STIM2: variants seen among roughly 807,000 people sequenced by gnomAD.
The protein encoded by STIM2 is stromal interaction molecule 2.
A neutral mutation model predicts 85.8 loss-of-function variants in STIM2; 31 were observed. The ratio of observed to expected loss-of-function variants is 0.36; its 90% CI spans 0.27 to 0.49. The LOEUF (loss-of-function observed/expected upper bound fraction) is 0.49, where lower values mean the gene tolerates loss of function less well. STIM2 is among the 20% of genes least tolerant of loss of function. The pLI is 0.98. For synonymous variants in STIM2, 356 were observed against 331.1 expected, an observed-to-expected ratio of 1.08 and a Z score of -0.82; for missense variants, 841 against 927.6, an observed-to-expected ratio of 0.91 and a Z score of 1.21.
chr4:26,866,897 A>G lies in STIM2; in HGVS notation c.151+5528A>G, dbSNP rs532129505. On this transcript the variant is annotated intron_variant, in intron 1 of 11. Coordinates refer to ENST00000467087, the MANE Select transcript of STIM2 (RefSeq NM_020860.4). Reference sequence around the variant, plus strand: ...AAGGTAAAAGGCATTTTGAACTTTCAGAGTGTTTTGTTAATAAACTCTTGA... The same window carrying G: ...AAGGTAAAAGGCATTTTGAACTTTCGGAGTGTTTTGTTAATAAACTCTTGA... Among the ~76,000 whole-genome samples, 3 of 152,358 alleles carry G rather than the reference A, an allele frequency of 2.0e-5. No homozygotes were observed. The East Asian group carries it at 5.8e-4, about 29-fold the overall frequency.
intron 1 of STIM2, among the ~76,000 whole-genome samples, chr4:26,870,386 A>G (rs898613354): frequency 8.5e-5 from 13 of 152,096 alleles, no homozygotes; most frequent in African/African-American, 3.1e-4. Context: ...TGCATATATC[A>G]GATCAAATTG....
chr4:26,977,213 A>C (rs1727234813), intron 3 of STIM2, among the ~76,000 whole-genome samples: 1 of 152,164 alleles, frequency 6.6e-6, no homozygotes, highest in South Asian at 2.1e-4. Context: ...ACAACCTTAA[A>C]GTGTTTAGGA....
chr4:26,917,334 A>G (rs1046256239), intron 1 of STIM2, among the ~76,000 whole-genome samples: 1 of 152,142 alleles, frequency 6.6e-6, no homozygotes, highest in African/African-American at 2.4e-5. Flanking sequence ...GTCCCCAGTA[A>G]AATATAAGTT....
chr4:26,945,305 A>G (rs1298115975), intron 2 of STIM2, among the ~76,000 whole-genome samples: 10 of 152,156 alleles, frequency 6.6e-5, no homozygotes, highest in African/African-American at 2.4e-4. Flanking sequence ...GTAGTATTCC[A>G]TGGTGTAAAT....
rs375787215 is a variant in STIM2 at position 26,922,894 on chromosome 4, G to C, written c.282+3260G>C. ...CCAGGGTTTTAGGATCTCTGTGCCTGGAACCTAGGACAAAGACCAAATATA... is the reference window on the plus strand; with the variant it reads ...CCAGGGTTTTAGGATCTCTGTGCCTCGAACCTAGGACAAAGACCAAATATA... On this transcript the variant is annotated intron_variant, in intron 2 of 11. Transcript: ENST00000467087. Among the ~76,000 whole-genome samples the C allele has an allele frequency of 5.9e-5, 9 of 152,200 alleles. No individual in the cohort carries two copies. The East Asian group carries it at 1.4e-3, about 23-fold the overall frequency.
Position 26,957,687 on chromosome 4 carries a change from A to G in STIM2, c.358A>G (p.Thr120Ala). 2 of 1,597,868 alleles carry G rather than the reference A, an allele frequency of 1.3e-6. No individual in the cohort carries two copies. The highest frequency in any genetic ancestry group is 1.7e-6 in the Non-Finnish European group (2 of 1,174,654). ...TCTGCACAGAGAAGATAAACATATA[A>G]CGATTGAGGATTTATGGAAACGATG... The change falls in exon 3 of 12, where the codon ACG becomes GCG. Residue 120 changes from threonine (T) to alanine (A), a missense_variant. By Grantham distance (58) the Thr-to-Ala change is moderately conservative. Transcript: ENST00000467087.
At chr4:26,957,129 T>A (rs1726274664) in intron 2 of STIM2, among the ~76,000 whole-genome samples, 1 of 152,168 alleles carries the variant, frequency 6.6e-6, no homozygotes, top group East Asian at 1.9e-4. Flanking sequence ...CATCCTCCCA[T>A]ATAAATTGTT....
chr4:26,993,126 G>A (rs1727823794), intron 3 of STIM2, among the ~76,000 whole-genome samples: 1 of 152,110 alleles, frequency 6.6e-6, no homozygotes, highest in Non-Finnish European at 1.5e-5. Context: ...GGCGTGTGAG[G>A]TACAGCTGCA....
chr4:26,863,525 C>A (rs1429803925), intron 1 of STIM2, among the ~76,000 whole-genome samples: 1 of 152,016 alleles, frequency 6.6e-6, no homozygotes, highest in Non-Finnish European at 1.5e-5. Context: ...AGGGCTCTTT[C>A]CCATTCTTAA....
rs1251287909 is a variant in STIM2, at chr4:26,866,096, A to G, written c.151+4727A>G. Among the ~76,000 whole-genome samples the G allele has an allele frequency of 2.0e-5, 3 of 151,620 alleles. No individual in the cohort carries two copies. The East Asian group carries it at 5.8e-4, about 29-fold the overall frequency. On this transcript the variant is annotated intron_variant, in intron 1 of 11. Transcript: ENST00000467087. ...CCTGGGTTTATTGCATGATATTGAG[A>G]TTTTAGTTACCAACGATCTTGTCAC... is the stretch of plus-strand genomic sequence containing the variant.
At chr4:26,951,958 C>T (rs1726069318) in intron 2 of STIM2, among the ~76,000 whole-genome samples, 2 of 151,876 alleles carry the variant, frequency 1.3e-5, no homozygotes, top group Admixed American at 1.3e-4. Context: ...TGGTGGGAGG[C>T]AAAAGGACTT....
At chr4:27,007,892 G>T (rs1022323518) in intron 8 of STIM2, 192 bp downstream of exon 8, 7 of 734,152 alleles carry the variant, frequency 9.5e-6, no homozygotes, top group Non-Finnish European at 1.7e-5. Context: ...ATTTGGAGAA[G>T]TGTATACTTT....
intron 3 of STIM2, among the ~76,000 whole-genome samples, chr4:26,984,384 T>A (rs1355063483): frequency 6.6e-6 from 1 of 152,094 alleles, no homozygotes; most frequent in Admixed American, 6.6e-5. Context: ...GGAGATGGAG[T>A]CTCACTCACT....
At chr4:26,969,645 C>T (rs1453285672) in intron 3 of STIM2, among the ~76,000 whole-genome samples, 1 of 152,162 alleles carries the variant, frequency 6.6e-6, no homozygotes, top group Non-Finnish European at 1.5e-5. Context: ...AATGAGCATG[C>T]TCAACTGCAT....
Position 26,867,362 on chromosome 4 carries a change from C to T in STIM2, c.151+5993C>T, listed in dbSNP as rs185531296. Among the ~76,000 whole-genome samples, 325 of 152,204 alleles carry T rather than the reference C, an allele frequency of 2.1e-3. 3 individuals are homozygous for T. The highest frequency in any genetic ancestry group is 1.9e-3 in the Non-Finnish European group (131 of 67,994). The stretch of plus-strand genomic sequence containing the variant: ...AGATTAGTTTTTAAAAAAATATAAT[C>T]GGGCTTATGTGATGATTTACAAAGT... On this transcript the variant is annotated intron_variant, in intron 1 of 11. Transcript: ENST00000467087.
At chr4:26,973,061 G>A (rs573937400) in intron 3 of STIM2, among the ~76,000 whole-genome samples, 1 of 152,266 alleles carries the variant, frequency 6.6e-6, no homozygotes, top group East Asian at 1.9e-4. Flanking sequence ...ATGGTAGTTT[G>A]CGTTTCTGTG....
chr4:26,877,430 A>T (rs1186605842), intron 1 of STIM2, among the ~76,000 whole-genome samples: 1 of 151,342 alleles, frequency 6.6e-6, no homozygotes, highest in African/African-American at 2.4e-5. Flanking sequence ...TATGAATCAT[A>T]GTTATTTTAA....
Position 26,904,807 on chromosome 4 carries a change from A to G in STIM2, c.152-14697A>G, listed in dbSNP as rs141298728. Among the ~76,000 whole-genome samples the G allele has an allele frequency of 1.1e-4, 17 of 148,546 alleles. No individual in the cohort carries two copies. In the East Asian group the frequency reaches 1.8e-3, roughly 15 times the overall value. The stretch of plus-strand genomic sequence containing the variant: ...ATGGGAGCAAAAGCCCAGCATGTTT[A>G]TATGCCCGTGGCAACAATTCACTGT... On this transcript the variant is annotated intron_variant, in intron 1 of 11. Transcript: ENST00000467087.
At chr4:26,911,927 A>G (rs1724357248) in intron 1 of STIM2, among the ~76,000 whole-genome samples, 1 of 152,208 alleles carries the variant, frequency 6.6e-6, no homozygotes, top group African/African-American at 2.4e-5. Flanking sequence ...ATAAGGGAAT[A>G]CTAGGAATAT....
Sources: gnomAD v4.1 joint callset for allele counts (sites outside exome capture counted in the v4.1 genomes callset) on GRCh38, gnomAD v4.1.1 for gene constraint, MANE v1.5 for transcripts, NCBI Gene and HGNC (gene_info 2026-07-23, HGNC 2026-07-21) for gene names.